BORCS5: variants seen among roughly 807,000 people sequenced by gnomAD.
BORCS5 encodes BLOC-1-related complex subunit 5.
In BORCS5, 17 loss-of-function variants were observed where a neutral mutation model predicts 22.1. The observed-to-expected ratio is 0.77, with a 90% CI of 0.53 to 1.15. The LOEUF is 1.15. Among genes scored for constraint, BORCS5 ranks in the 50% most tolerant of loss-of-function variants. The pLI is 0.00. For missense variants in BORCS5, 247 were observed against 253.2 expected, an observed-to-expected ratio of 0.98 and a Z score of 0.17; for synonymous variants, 117 against 99.8, an observed-to-expected ratio of 1.17 and a Z score of -1.03.
At chr12:12,429,443 C>T (rs4763827) in intron 2 of BORCS5, among the ~76,000 whole-genome samples, 25,064 of 152,096 alleles carry the variant, frequency 0.16, 3,111 homozygotes, top group African/African-American at 0.35. Flanking sequence ...TGCTATGACC[C>T]GGGGCAGGAT....
chr12:12,373,266 C>A (rs1863570714), intron 2 of BORCS5, among the ~76,000 whole-genome samples: 1 of 152,232 alleles, frequency 6.6e-6, no homozygotes, highest in Non-Finnish European at 1.5e-5. Context: ...TCTTGTACTT[C>A]CCAGCCTCCA....
intron 2 of BORCS5, among the ~76,000 whole-genome samples, chr12:12,424,303 G>T (rs1250367447): frequency 2.6e-5 from 4 of 151,906 alleles, no homozygotes; most frequent in African/African-American, 7.3e-5. Context: ...TCTTTCTTCT[G>T]CCTGCTCAAA....
At chr12:12,366,089 TCTGA>T (rs1341934821) in intron 2 of BORCS5, among the ~76,000 whole-genome samples, 1 of 152,208 alleles carries the variant, frequency 6.6e-6, no homozygotes, top group Non-Finnish European at 1.5e-5. Context: ...GCCTTTATAC[TCTGA>T]CTCTTTTTTC....
intron 2 of BORCS5, among the ~76,000 whole-genome samples, chr12:12,413,939 C>T (rs1941823204): frequency 1.8e-5 from 1 of 56,320 alleles, no homozygotes; most frequent in Non-Finnish European, 3.6e-5. Context: ...GGGGGCTGAC[C>T]CCCCCACCTC....
rs79034795 is a variant in BORCS5 at position 12,374,444 on chromosome 12, A to C, written c.202+13095A>C. 9.3e-3 allele frequency among the ~76,000 whole-genome samples: 1,399 copies of C among 150,628 alleles called. 79 individuals carry two copies. In the East Asian group the frequency reaches 0.16, roughly 17 times the overall value. ...GCCCAGAAGTTTGAGACCAGCCTGA[A>C]CAACATGGTGAGACCCTGTCTGTAC... On this transcript the variant is annotated intron_variant, in intron 2 of 3. Transcript: ENST00000314565.
At chr12:12,368,606 A>ATT (rs563081728) in intron 2 of BORCS5, among the ~76,000 whole-genome samples, 3,732 of 140,580 alleles carry the variant, frequency 0.027, 176 homozygotes, top group African/African-American at 0.091. Context: ...CACCTGGCTA[A>ATT]TTTTTTTTTT....
At chr12:12,386,140 A>C (rs1312965945) in intron 2 of BORCS5, among the ~76,000 whole-genome samples, 1 of 149,416 alleles carries the variant, frequency 6.7e-6, no homozygotes, top group East Asian at 2.0e-4. Context: ...AGCTGCAATT[A>C]CAGGTGTGTG....
At chr12:12,370,064 C>T (rs1484400269) in intron 2 of BORCS5, among the ~76,000 whole-genome samples, 1 of 149,556 alleles carries the variant, frequency 6.7e-6, no homozygotes. Flanking sequence ...ATATATATTG[C>T]ATCTACATAC....
chr12:12,409,540 C>T (rs1292931500), intron 2 of BORCS5, among the ~76,000 whole-genome samples: 3 of 152,158 alleles, frequency 2.0e-5, no homozygotes, highest in Admixed American at 6.5e-5. Flanking sequence ...TCATCCATGT[C>T]CCTACAAAGG....
At chr12:12,419,205 C>A (rs1592108954) in intron 2 of BORCS5, among the ~76,000 whole-genome samples, 1 of 152,138 alleles carries the variant, frequency 6.6e-6, no homozygotes, top group Non-Finnish European at 1.5e-5. Flanking sequence ...GCTCCTCACT[C>A]CCTGACAGGC....
At chr12:12,411,705 C>T (rs1941738877) in intron 2 of BORCS5, among the ~76,000 whole-genome samples, 1 of 152,076 alleles carries the variant, frequency 6.6e-6, no homozygotes, top group Admixed American at 6.5e-5. Context: ...AAACTTTTGC[C>T]TGCGTTTTCT....
At chr12:12,415,617 T>C (rs1282017926) in intron 2 of BORCS5, among the ~76,000 whole-genome samples, 2 of 135,196 alleles carry the variant, frequency 1.5e-5, no homozygotes, top group East Asian at 2.3e-4. Flanking sequence ...TCTTCTAATA[T>C]AGGCTGTTAC....
chr12:12,464,083 C>G (rs1223886787), intron 3 of BORCS5, among the ~76,000 whole-genome samples: 2 of 152,200 alleles, frequency 1.3e-5, no homozygotes, highest in Non-Finnish European at 2.9e-5. Context: ...GGGTGACTGT[C>G]AGGACCACAG....
chr12:12,467,627 A>C lies in BORCS5; in HGVS notation c.*1851A>C, dbSNP rs568632926. 2.0e-5 allele frequency: 3 copies of C among 152,042 alleles called. No homozygotes were observed. The highest frequency in any genetic ancestry group is 7.2e-5 in the African/African-American group (3 of 41,440). 9.4% of individuals were successfully genotyped at this position (152,042 alleles called of 1,614,324 possible). A position where few individuals can be genotyped will look rare whatever the true frequency, so the allele number is the denominator to read the frequency against. On this transcript the variant is annotated 3_prime_UTR_variant, in exon 4 of 4. Transcript: ENST00000314565. ...CAGAAGAACAATAGGCAAATTCAAT[A>C]CTCCCGGAAAGAATTCTAGTTAGTT... is the stretch of plus-strand genomic sequence containing the variant.
At chr12:12,358,027 G>T (rs1046481090) in intron 1 of BORCS5, among the ~76,000 whole-genome samples, 1 of 152,184 alleles carries the variant, frequency 6.6e-6, no homozygotes, top group African/African-American at 2.4e-5. Flanking sequence ...GTAGAGGTTG[G>T]CCAGACAGCA....
chr12:12,412,900 CTTTTTTTTTTTTTT>C (rs869045354), intron 2 of BORCS5, among the ~76,000 whole-genome samples: 4 of 74,174 alleles, frequency 5.4e-5, no homozygotes, highest in Admixed American at 1.9e-4. Flanking sequence ...TTGTGGTTTT[CTTTTTTTTTTTTTT>C]TTTTTTTTTT....
chr12:12,455,778 T>TAAAA (rs144613630), intron 3 of BORCS5, among the ~76,000 whole-genome samples: 1 of 142,020 alleles, frequency 7.0e-6, no homozygotes, highest in Non-Finnish European at 1.5e-5. Context: ...GACTCGGTCT[T>TAAAA]AAAAAAAAAA....
At chr12:12,445,616 G>A (rs1942772877) in intron 3 of BORCS5, among the ~76,000 whole-genome samples, 1 of 138,970 alleles carries the variant, frequency 7.2e-6, no homozygotes, top group Non-Finnish European at 1.5e-5. Context: ...GTAGGGCCTG[G>A]TACTTGCTCT....
At chr12:12,403,402 A>G (rs1941519913) in intron 2 of BORCS5, among the ~76,000 whole-genome samples, 1 of 152,170 alleles carries the variant, frequency 6.6e-6, no homozygotes, top group African/African-American at 2.4e-5. Flanking sequence ...TGGCAATCCC[A>G]GCTGCTCTTC....
Sources: allele counts gnomAD v4.1 joint callset (sites outside exome capture counted in the v4.1 genomes callset), GRCh38; gene constraint gnomAD v4.1.1; transcripts MANE v1.5; gene names NCBI Gene and HGNC (gene_info 2026-07-23, HGNC 2026-07-21).